SND1: variants seen among roughly 807,000 people sequenced by gnomAD.
The protein encoded by SND1 is staphylococcal nuclease and tudor domain containing 1.
Under a neutral mutation model 121.7 loss-of-function variants are expected in SND1, and 38 were observed. That is an observed-to-expected ratio of 0.31 (90% CI 0.24 to 0.41). The LOEUF (loss-of-function observed/expected upper bound fraction) is 0.41, where lower values mean the gene tolerates loss of function less well. Among genes scored for constraint, SND1 ranks in the 10% least tolerant of loss-of-function variants. The pLI, the probability that SND1 is intolerant of heterozygous loss-of-function variation, is 1.00. For synonymous variants in SND1, 401 were observed against 447.4 expected, an observed-to-expected ratio of 0.90 and a Z score of 1.31; for missense variants, 868 against 1,184.6, an observed-to-expected ratio of 0.73 and a Z score of 3.92.
At chr7:127,996,246 TGTGTATTTATGAAGGG>T (rs1451195775) in intron 16 of SND1, among the ~76,000 whole-genome samples, 25 of 152,014 alleles carry the variant, frequency 1.6e-4, no homozygotes, top group Admixed American at 5.9e-4. Context: ...TGAATATTGG[TGTGTATTTATGAAGGG>T]GTGTATGTCT....
chr7:127,686,526 A>G, intron 1 of SND1, 87 bp from the exon 2 acceptor site: 1 of 1,380,572 alleles, frequency 7.2e-7, no homozygotes, highest in East Asian at 2.5e-5. Context: ...ATGCTATTTG[A>G]AATGTTGGGG....
intron 7 of SND1, 125 bp from the exon 8 acceptor site, chr7:127,704,714 A>G (rs1796159521): frequency 1.4e-6 from 1 of 737,906 alleles, no homozygotes; most frequent in Admixed American, 2.2e-5. Flanking sequence ...TCTACTGTAA[A>G]CAAACAAACA....
At chr7:127,752,701 A>G (rs1797120512) in intron 10 of SND1, among the ~76,000 whole-genome samples, 1 of 152,214 alleles carries the variant, frequency 6.6e-6, no homozygotes, top group Admixed American at 6.5e-5. Context: ...AAACGTATAC[A>G]CTAACTGCCT....
intron 14 of SND1, among the ~76,000 whole-genome samples, chr7:127,916,722 A>C (rs1312729612): frequency 6.6e-6 from 1 of 152,208 alleles, no homozygotes; most frequent in Non-Finnish European, 1.5e-5. Flanking sequence ...CTCCAGCTTC[A>C]AGGTAAAGTA....
chr7:127,869,335 G>T (rs1799536213), intron 12 of SND1, among the ~76,000 whole-genome samples: 1 of 152,090 alleles, frequency 6.6e-6, no homozygotes, highest in Admixed American at 6.6e-5. Context: ...GAGGGAATGG[G>T]GACAGCAGAC....
At chr7:127,794,295 G>T (rs970722528) in intron 10 of SND1, among the ~76,000 whole-genome samples, 2 of 152,176 alleles carry the variant, frequency 1.3e-5, no homozygotes, top group Admixed American at 6.5e-5. Flanking sequence ...CAGAAACCCA[G>T]TGTCTAAAGG....
At chr7:127,957,900 C>T (rs1801636911) in intron 15 of SND1, among the ~76,000 whole-genome samples, 1 of 152,134 alleles carries the variant, frequency 6.6e-6, no homozygotes, top group Non-Finnish European at 1.5e-5. Flanking sequence ...TGGGGTTTCA[C>T]CATGTTGGCC....
At chr7:127,844,458 A>G (rs1052460264) in intron 12 of SND1, 34 bp downstream of exon 12, 2 of 1,525,734 alleles carry the variant, frequency 1.3e-6, no homozygotes, top group Admixed American at 1.7e-5. Flanking sequence ...CTCAGCTGTC[A>G]TCTCAAGTAG....
intron 15 of SND1, among the ~76,000 whole-genome samples, chr7:127,970,602 CAT>C (rs1491142549): frequency 6.6e-6 from 1 of 152,276 alleles, no homozygotes; most frequent in Non-Finnish European, 1.5e-5. Context: ...TAGTCAAACA[CAT>C]ATTTTCTAGG....
At chr7:127,741,808 G>A (rs976585374) in intron 10 of SND1, among the ~76,000 whole-genome samples, 11 of 152,094 alleles carry the variant, frequency 7.2e-5, no homozygotes, top group African/African-American at 2.4e-4. Flanking sequence ...TTCTTTTGGG[G>A]TAGCTCAGAT....
At chr7:127,763,539 G>A (rs913913269) in intron 10 of SND1, among the ~76,000 whole-genome samples, 1 of 151,956 alleles carries the variant, frequency 6.6e-6, no homozygotes, top group African/African-American at 2.4e-5. Context: ...AAGAGATAGG[G>A]TCTCACTTTG....
chr7:127,875,765 C>T (rs578047266), intron 12 of SND1, among the ~76,000 whole-genome samples: 1 of 152,200 alleles, frequency 6.6e-6, no homozygotes, highest in East Asian at 1.9e-4. Flanking sequence ...TGTAGATGTT[C>T]ATTATGTCTG....
intron 14 of SND1, among the ~76,000 whole-genome samples, chr7:127,928,851 A>G (rs1213221778): frequency 1.3e-5 from 2 of 152,174 alleles, no homozygotes; most frequent in Non-Finnish European, 2.9e-5. Context: ...TCAGCCTCCC[A>G]AAGTGCTGGG....
At chr7:128,056,179 C>T (rs1168168381) in intron 16 of SND1, among the ~76,000 whole-genome samples, 3 of 152,226 alleles carry the variant, frequency 2.0e-5, no homozygotes, top group Non-Finnish European at 4.4e-5. Context: ...TCTTCCTCTT[C>T]CCTGTAACAA....
At chr7:128,042,718 A>G (rs1423848133) in intron 16 of SND1, among the ~76,000 whole-genome samples, 1 of 152,234 alleles carries the variant, frequency 6.6e-6, no homozygotes, top group African/African-American at 2.4e-5. Context: ...TCTGCTCCTG[A>G]ACATCTGGTA....
At chr7:127,726,559 AGATAACACATTTT>A (rs1796586162) in intron 10 of SND1, among the ~76,000 whole-genome samples, 1 of 152,200 alleles carries the variant, frequency 6.6e-6, no homozygotes, top group Admixed American at 6.5e-5. Context: ...GCCTTAAAGG[AGATAACACATTTT>A]GCGATCTCAG....
At chr7:127,875,313 A>G (rs908677825) in intron 12 of SND1, among the ~76,000 whole-genome samples, 5 of 152,178 alleles carry the variant, frequency 3.3e-5, no homozygotes, top group African/African-American at 1.2e-4. Context: ...AATATGATCT[A>G]GTTGGGAAGA....
intron 16 of SND1, chr7:128,030,878 C>G (rs1329983747): frequency 4.2e-6 from 2 of 472,978 alleles, no homozygotes; most frequent in Admixed American, 7.6e-5. Flanking sequence ...CTCTCCCACA[C>G]TGCAACCGTC....
Position 128,052,673 on chromosome 7 carries a change from G to A in SND1, c.1780-21829G>A, listed in dbSNP as rs777950438. On this transcript the variant is annotated intron_variant, in intron 16 of 23. Coordinates refer to ENST00000354725, the MANE Select transcript of SND1 (RefSeq NM_014390.4). The surrounding 1 kb of genome is among the most constrained non-coding windows in gnomAD (Gnocchi z 4.6). ...CCAGGCTGTTTGCTGAACACAACTCGTCCGTCAAGGGAAATCAGATGAAAT... is the reference window on the plus strand; with the variant it reads ...CCAGGCTGTTTGCTGAACACAACTCATCCGTCAAGGGAAATCAGATGAAAT... 9.9e-5 allele frequency among the ~76,000 whole-genome samples: 15 copies of A among 152,180 alleles called. No homozygotes were observed. Among genetic ancestry groups the A allele is most frequent in the Admixed American group, 2.0e-4 (3 of 15,284 alleles).
Sources: gnomAD v4.1 joint callset for allele counts (sites outside exome capture counted in the v4.1 genomes callset) on GRCh38, gnomAD v4.1.1 for gene constraint, Gnocchi (gnomAD v3.1) non-coding constraint, MANE v1.5 for transcripts, NCBI Gene and HGNC (gene_info 2026-07-23, HGNC 2026-07-21) for gene names.